Variants in EYS observed in about 807,000 individuals in gnomAD.
The protein encoded by EYS is protein eyes shut homolog.
EYS carries 250 observed loss-of-function variants against 282.1 expected under a neutral mutation model. The ratio of observed to expected loss-of-function variants is 0.89; its 90% confidence interval spans 0.80 to 0.98. The LOEUF (loss-of-function observed/expected upper bound fraction) is 0.98, where lower values mean the gene tolerates loss of function less well. Among genes scored for constraint, EYS ranks in the 50% least tolerant of loss-of-function variants. EYS has a pLI of 0.00. For synonymous variants in EYS, 1,355 were observed against 1,282.9 expected (o/e 1.06, Z -1.20); for missense variants, 4,016 against 3,709.0 (o/e 1.08, Z -2.15).
intron 8 of EYS, among the ~76,000 whole-genome samples, chr6:65,380,419 T>A (rs573592331): frequency 5.6e-4 from 86 of 152,272 alleles, no homozygotes; most frequent in Middle Eastern, 3.4e-3. Flanking sequence ...GCTAGCCATA[T>A]GCAGAAAACT....
intron 2 of EYS, among the ~76,000 whole-genome samples, chr6:65,586,531 C>T (rs1270129116): frequency 6.6e-6 from 1 of 151,948 alleles, no homozygotes; most frequent in South Asian, 2.1e-4. Context: ...CCATTAGAGA[C>T]AAAACTGATT....
chr6:64,975,454 AT>A (rs1301303045), intron 14 of EYS, among the ~76,000 whole-genome samples: 1 of 151,722 alleles, frequency 6.6e-6, no homozygotes, highest in Non-Finnish European at 1.5e-5. Flanking sequence ...CTGTTAGGAT[AT>A]TTTTTCCCTT....
At chr6:64,013,309 T>C (rs779506202) in intron 33 of EYS, among the ~76,000 whole-genome samples, 2 of 152,192 alleles carry the variant, frequency 1.3e-5, no homozygotes, top group African/African-American at 4.8e-5. Context: ...ATTCTCTAGA[T>C]TTCATGGTCT....
chr6:63,956,743 T>C (rs544380856), intron 35 of EYS, among the ~76,000 whole-genome samples: 7 of 152,184 alleles, frequency 4.6e-5, no homozygotes, highest in Non-Finnish European at 8.8e-5. Flanking sequence ...TTGCCTTGTC[T>C]GCAAGTTTAA....
At chr6:64,969,190 C>T (rs1770205577) in intron 14 of EYS, among the ~76,000 whole-genome samples, 1 of 152,048 alleles carries the variant, frequency 6.6e-6, no homozygotes, top group Non-Finnish European at 1.5e-5. Context: ...TAAAATGATG[C>T]TTTGAAGCTA....
At chr6:63,952,478 C>CT (rs1765639938) in intron 35 of EYS, among the ~76,000 whole-genome samples, 1 of 152,188 alleles carries the variant, frequency 6.6e-6, no homozygotes, top group East Asian at 1.9e-4. Context: ...TCCACATTAC[C>CT]TTTTTTTCAA....
At chr6:64,200,965 T>G (rs1187452339) in intron 31 of EYS, among the ~76,000 whole-genome samples, 1 of 152,168 alleles carries the variant, frequency 6.6e-6, no homozygotes, top group African/African-American at 2.4e-5. Flanking sequence ...CTTATTGGAC[T>G]GAAACTGTCC....
intron 35 of EYS, among the ~76,000 whole-genome samples, chr6:63,874,236 A>G (rs1163957971): frequency 6.6e-6 from 1 of 152,198 alleles, no homozygotes; most frequent in African/African-American, 2.4e-5. Context: ...TCCGAGCACC[A>G]TTTGTTAAAT....
At chr6:64,912,117 C>T (rs377354999) in intron 16 of EYS, among the ~76,000 whole-genome samples, 26 of 151,930 alleles carry the variant, frequency 1.7e-4, no homozygotes, top group Non-Finnish European at 3.7e-4. Flanking sequence ...ATTTCATTAC[C>T]CCCAATTATA....
chr6:64,524,963 A>G (rs1777871648), intron 26 of EYS, among the ~76,000 whole-genome samples: 1 of 151,880 alleles, frequency 6.6e-6, no homozygotes, highest in South Asian at 2.1e-4. Flanking sequence ...GTGCATATCA[A>G]AACCACTATG....
intron 41 of EYS, among the ~76,000 whole-genome samples, chr6:63,735,795 T>G (rs115418747): frequency 0.012 from 1,835 of 152,184 alleles, 30 homozygotes; most frequent in African/African-American, 0.042. Context: ...TTAGTTGTCA[T>G]GTCTCTTCAT....
chr6:64,843,287 G>C (rs1168534122), intron 19 of EYS, among the ~76,000 whole-genome samples: 3 of 152,272 alleles, frequency 2.0e-5, no homozygotes, highest in Middle Eastern at 3.4e-3. Flanking sequence ...GTAGAGCTGT[G>C]AGAAGAGGGC....
At chr6:65,293,725 C>A (rs868519355) in intron 12 of EYS, among the ~76,000 whole-genome samples, 1 of 151,812 alleles carries the variant, frequency 6.6e-6, no homozygotes, top group Non-Finnish European at 1.5e-5. Flanking sequence ...AAACTCCTAA[C>A]GTGGGGCCAA....
At chr6:64,706,528 C>T (rs1771023732) in intron 22 of EYS, among the ~76,000 whole-genome samples, 1 of 152,038 alleles carries the variant, frequency 6.6e-6, no homozygotes, top group African/African-American at 2.4e-5. Context: ...ATAGACAACT[C>T]ACAGAATGGG....
chr6:65,520,576 A>G (rs1174728127), intron 2 of EYS, among the ~76,000 whole-genome samples: 1 of 151,928 alleles, frequency 6.6e-6, no homozygotes, highest in Non-Finnish European at 1.5e-5. Flanking sequence ...ATATATACAC[A>G]TATGTATCAT....
intron 15 of EYS, among the ~76,000 whole-genome samples, chr6:64,943,081 A>G (rs1769152764): frequency 6.6e-6 from 1 of 152,146 alleles, no homozygotes; most frequent in Non-Finnish European, 1.5e-5. Flanking sequence ...AATGTGATTC[A>G]CTGCATAAAC....
chr6:65,213,816 C>G (rs1766238763), intron 12 of EYS, among the ~76,000 whole-genome samples: 1 of 151,994 alleles, frequency 6.6e-6, no homozygotes, highest in Non-Finnish European at 1.5e-5. Flanking sequence ...GAGTAGTGCA[C>G]CTCTCAGGTT....
intron 41 of EYS, among the ~76,000 whole-genome samples, chr6:63,753,547 C>A (rs1245419957): frequency 6.6e-6 from 1 of 152,054 alleles, no homozygotes; most frequent in Admixed American, 6.6e-5. Context: ...GAGAGAGAAG[C>A]ACAGAGGAGG....
At chr6:65,115,620 T>C (rs1561973639) in intron 12 of EYS, among the ~76,000 whole-genome samples, 1 of 152,092 alleles carries the variant, frequency 6.6e-6, no homozygotes, top group Non-Finnish European at 1.5e-5. Context: ...ATAATACTAA[T>C]ACCAATTAGA....
Sources: allele counts gnomAD v4.1 joint callset (sites outside exome capture counted in the v4.1 genomes callset), GRCh38; gene constraint gnomAD v4.1.1; transcripts MANE v1.5; gene names NCBI Gene and HGNC (gene_info 2026-07-23, HGNC 2026-07-21).